Variants in SAMSN1 observed in about 807,000 individuals in gnomAD.
The protein encoded by SAMSN1 is SAM domain, SH3 domain and nuclear localization signals 1.
In SAMSN1, 31 loss-of-function variants were observed where a neutral mutation model predicts 42.0. The observed-to-expected ratio is 0.74, with a 90% CI of 0.55 to 1.00. The LOEUF (loss-of-function observed/expected upper bound fraction) is 1.00, where lower values mean the gene tolerates loss of function less well. Among genes scored for constraint, SAMSN1 ranks in the 50% least tolerant of loss-of-function variants. The pLI, the probability that SAMSN1 is intolerant of heterozygous loss-of-function variation, is 0.00. For missense variants in SAMSN1, 464 were observed against 439.4 expected (o/e 1.06, Z -0.50); for synonymous variants, 178 against 151.9 (o/e 1.17, Z -1.26).
upstream of SAMSN1, among the ~76,000 whole-genome samples, chr21:14,586,361 A>T (rs191693831): frequency 5.3e-4 from 81 of 152,148 alleles, no homozygotes; most frequent in African/African-American, 1.6e-3. Flanking sequence ...CATTACCTAC[A>T]TATTTGTACT....
intron 2 of SAMSN1, among the ~76,000 whole-genome samples, chr21:14,553,326 A>G (rs982728530): frequency 3.9e-5 from 6 of 152,202 alleles, no homozygotes; most frequent in South Asian, 2.1e-4. Context: ...TTCTTTTTAT[A>G]TGATTGGTTC....
chr21:14,639,674 T>G (rs920618144), intron 2 of SAMSN1, among the ~76,000 whole-genome samples: 1 of 152,104 alleles, frequency 6.6e-6, no homozygotes, highest in African/African-American at 2.4e-5. Context: ...GATACTAAAA[T>G]AGATACAGAA....
chr21:14,598,222 C>T (rs1175931476), intron 6 of SAMSN1: 1 of 152,074 alleles, frequency 6.6e-6, no homozygotes, highest in Non-Finnish European at 1.5e-5. Context: ...TCTTTTCTAT[C>T]ATGAATATGA....
At chr21:14,510,967 T>C (rs1276424308) in intron 4 of SAMSN1, among the ~76,000 whole-genome samples, 1 of 152,184 alleles carries the variant, frequency 6.6e-6, no homozygotes, top group Non-Finnish European at 1.5e-5. Flanking sequence ...TTAAAACTGC[T>C]CCAAATCCTT....
intron 2 of SAMSN1, among the ~76,000 whole-genome samples, chr21:14,556,704 C>G (rs367950265): frequency 6.6e-6 from 1 of 152,172 alleles, no homozygotes; most frequent in African/African-American, 2.4e-5. Context: ...GCCTCGGAAG[C>G]CTACCTGCAT....
At chr21:14,519,068 T>A (rs1988041535) in intron 2 of SAMSN1, among the ~76,000 whole-genome samples, 1 of 152,220 alleles carries the variant, frequency 6.6e-6, no homozygotes, top group South Asian at 2.1e-4. Context: ...AACATTTTTC[T>A]ATGCCTTTCT....
chr21:14,504,674 C>A (rs919413059), intron 5 of SAMSN1, among the ~76,000 whole-genome samples: 1 of 152,148 alleles, frequency 6.6e-6, no homozygotes, highest in Non-Finnish European at 1.5e-5. Flanking sequence ...GTTGGGAAAA[C>A]GTATTTGGAG....
chr21:14,503,057 C>T (rs974867684), intron 5 of SAMSN1, among the ~76,000 whole-genome samples: 1 of 152,136 alleles, frequency 6.6e-6, no homozygotes, highest in Non-Finnish European at 1.5e-5. Context: ...TTGTAACTCA[C>T]CCCTCTCCTT....
At chr21:14,656,869 A>T (rs1303706734) in intron 1 of SAMSN1, among the ~76,000 whole-genome samples, 1 of 151,850 alleles carries the variant, frequency 6.6e-6, no homozygotes, top group Non-Finnish European at 1.5e-5. Flanking sequence ...ATTTAAAATC[A>T]CCTGCTTCCC....
chr21:14,598,988 C>T (rs1982353044), intron 6 of SAMSN1, among the ~76,000 whole-genome samples: 1 of 152,080 alleles, frequency 6.6e-6, no homozygotes, highest in Admixed American at 6.6e-5. Flanking sequence ...CAAAAATAAA[C>T]TTCACTTTTT....
At chr21:14,537,237 C>T (rs116083284) in intron 1 of SAMSN1, among the ~76,000 whole-genome samples, 35 of 152,330 alleles carry the variant, frequency 2.3e-4, no homozygotes, top group African/African-American at 8.2e-4. Context: ...TGCACTTGCT[C>T]TTCCCTCTGC....
At chr21:14,649,510 C>A (rs1340558679) in intron 1 of SAMSN1, among the ~76,000 whole-genome samples, 1 of 152,128 alleles carries the variant, frequency 6.6e-6, no homozygotes, top group African/African-American at 2.4e-5. Flanking sequence ...TGGGTCACAT[C>A]TGTGATCCCA....
At chr21:14,530,007 A>G (rs1159054309) in intron 1 of SAMSN1, among the ~76,000 whole-genome samples, 1 of 152,196 alleles carries the variant, frequency 6.6e-6, no homozygotes, top group African/African-American at 2.4e-5. Flanking sequence ...GTTAAACAAG[A>G]GGCTCTTTAG....
chr21:14,511,930 A>G (rs1277017266), intron 4 of SAMSN1, among the ~76,000 whole-genome samples: 1 of 152,202 alleles, frequency 6.6e-6, no homozygotes, highest in Non-Finnish European at 1.5e-5. Context: ...TAAAAAGTAA[A>G]TGTCAGTAAA....
chr21:14,547,819 A>C (rs975189272), upstream of SAMSN1, among the ~76,000 whole-genome samples: 29 of 152,208 alleles, frequency 1.9e-4, no homozygotes, highest in African/African-American at 6.8e-4. Flanking sequence ...AGCTAAAAAC[A>C]ACCTGTTTTT....
chr21:14,622,096 A>G (rs919135858), intron 2 of SAMSN1, among the ~76,000 whole-genome samples: 1 of 152,236 alleles, frequency 6.6e-6, no homozygotes, highest in African/African-American at 2.4e-5. Flanking sequence ...ACAAACAGAA[A>G]GGACATCCAC....
chr21:14,604,895 A>G (rs1982524433), intron 5 of SAMSN1, among the ~76,000 whole-genome samples: 1 of 152,244 alleles, frequency 6.6e-6, no homozygotes, highest in Non-Finnish European at 1.5e-5. Flanking sequence ...ATTGTGAACC[A>G]GTTCCCCAAA....
intron 7 of SAMSN1, among the ~76,000 whole-genome samples, chr21:14,589,991 A>G (rs1291211473): frequency 6.6e-6 from 1 of 152,172 alleles, no homozygotes. Context: ...TGGAAACCGA[A>G]ACTTCAAGTA....
intron 2 of SAMSN1, among the ~76,000 whole-genome samples, chr21:14,642,379 A>T (rs1482690225): frequency 6.6e-6 from 1 of 152,222 alleles, no homozygotes; most frequent in East Asian, 1.9e-4. Context: ...TTTACAAATG[A>T]TGGTGTGTAT....
Sources: allele counts gnomAD v4.1 joint callset (sites outside exome capture counted in the v4.1 genomes callset), GRCh38; gene constraint gnomAD v4.1.1; transcripts MANE v1.5; gene names NCBI Gene and HGNC (gene_info 2026-07-23, HGNC 2026-07-21).